WDR11: variants seen among roughly 807,000 people sequenced by gnomAD.
WDR11 encodes the protein WD repeat domain 11.
A neutral mutation model predicts 151.2 loss-of-function variants in WDR11; 83 were observed. The observed-to-expected ratio is 0.55, with a 90% CI of 0.46 to 0.66. The LOEUF is 0.66. WDR11 is among the 30% of genes least tolerant of loss of function. The pLI is 0.00. For missense variants in WDR11, 1,301 were observed against 1,480.9 expected, an observed-to-expected ratio of 0.88 and a Z score of 1.99; for synonymous variants, 484 against 533.1, an observed-to-expected ratio of 0.91 and a Z score of 1.27.
intron 22 of WDR11, 100 bp downstream of exon 22, chr10:120,902,422 G>A (rs937824667): frequency 2.3e-5 from 23 of 980,648 alleles, no homozygotes; most frequent in Non-Finnish European, 2.7e-5. Flanking sequence ...TTAGAAAAAT[G>A]TATCAGTTCA....
At chr10:120,874,094 TC>T (rs1433754307) in intron 11 of WDR11, among the ~76,000 whole-genome samples, 171 bp downstream of exon 11, 3 of 152,134 alleles carry the variant, frequency 2.0e-5, no homozygotes, top group Non-Finnish European at 4.4e-5. Context: ...GATAACTAAT[TC>T]TTTGCTGTGT....
rs200874292 is a variant in WDR11, at chr10:120,902,233, C to T, written c.2688-24C>T. ...TGTTTGATTGAAAACTTTTGTCTCA[C>T]TTTTGTCCGGATTTCTTCCACAGTG... On this transcript the variant is annotated intron_variant, in intron 21 of 28. Transcript: ENST00000263461. 2.6e-4 allele frequency: 424 copies of T among 1,612,304 alleles called. 5 individuals are homozygous for T. Among genetic ancestry groups the T allele is most frequent in the African/African-American group, 4.0e-5 (3 of 74,994 alleles).
At position 120,859,719 on chromosome 10, in the gene WDR11, A is replaced by G. The variant is rs188574891; in HGVS notation, c.353-390A>G. On this transcript the variant is annotated intron_variant, in intron 3 of 28. Coordinates refer to ENST00000263461, the MANE Select transcript of WDR11 (RefSeq NM_018117.12). ...TATTCTGTTTATTTTTTGAAAAACCATGAAGAACTGTAAAGTTCCATTAAG... is the reference window on the plus strand; with the variant it reads ...TATTCTGTTTATTTTTTGAAAAACCGTGAAGAACTGTAAAGTTCCATTAAG... Among the ~76,000 whole-genome samples the G allele has an allele frequency of 2.5e-3, 381 of 152,294 alleles. 1 individual carries two copies. The highest frequency in any genetic ancestry group is 8.8e-3 in the African/African-American group (366 of 41,568).
At chr10:120,887,132 C>A (rs563303019) in intron 16 of WDR11, among the ~76,000 whole-genome samples, 77 of 152,226 alleles carry the variant, frequency 5.1e-4, no homozygotes, top group African/African-American at 1.8e-3. Flanking sequence ...CCAAAGTTAT[C>A]CAGCTTACTC....
rs761494572 is a variant in WDR11, at chr10:120,905,935, T to C, written c.3351T>C (p.Cys1117=). The stretch of plus-strand genomic sequence containing the variant: ...TAAGGCGGTGGGTTGACCACCTTTG[T>C]TCTCCACAAGTCAATCAGAAATCAA... The part of the protein sequence containing the change: ...DVLRRWVDHL[C]SPQVNQKSKA... The change falls in exon 27 of 29, where the codon TGT becomes TGC. Residue 1117 remains cysteine (C), a synonymous_variant. Transcript: ENST00000263461. 1 of 1,614,012 alleles carries C rather than the reference T, an allele frequency of 6.2e-7. No individual in the cohort carries two copies. The highest frequency in any genetic ancestry group is 1.1e-5 in the South Asian group (1 of 91,070).
chr10:120,886,636 A>G, intron 15 of WDR11, 53 bp from the exon 16 acceptor site: 4 of 1,583,488 alleles, frequency 2.5e-6, no homozygotes, highest in Admixed American at 1.8e-5. Context: ...AATTATGAGT[A>G]TCACTCTAGG....
chr10:120,890,369 C>T (rs1250918390), intron 18 of WDR11, among the ~76,000 whole-genome samples: 2 of 152,078 alleles, frequency 1.3e-5, no homozygotes, highest in African/African-American at 2.4e-5. Flanking sequence ...TGTGCCACCA[C>T]GCCCGGCTAA....
chr10:120,892,018 T>C (rs912046136), intron 19 of WDR11, among the ~76,000 whole-genome samples: 2 of 152,180 alleles, frequency 1.3e-5, no homozygotes, highest in African/African-American at 4.8e-5. Context: ...CTAAAGGTAT[T>C]GAGGACATTG....
At chr10:120,874,182 TTTTTTTTTTTG>T (rs1371091933) in intron 11 of WDR11, among the ~76,000 whole-genome samples, 1 of 58,192 alleles carries the variant, frequency 1.7e-5, no homozygotes, top group African/African-American at 5.3e-5. Flanking sequence ...TGCAGTTTTT[TTTTTTTTTTTG>T]TTGTTGTTGT....
chr10:120,852,574 T>G lies in WDR11; in HGVS notation c.137T>G (p.Ile46Ser). Residue 46 changes from isoleucine (I) to serine (S), a missense_variant, in exon 2 of 29, where the codon ATT becomes AGT. Physicochemically the swap from Ile to Ser is moderately radical, Grantham distance 142. Coordinates refer to ENST00000263461, the MANE Select transcript of WDR11 (RefSeq NM_018117.12). ...GGATGTCATTCACTTGTGGTAGTGA[T>G]TGATTCCATTACTGCCCAAACTCTT... ...AYGCHSLVVV[I>S]DSITAQTLQV... is the part of the protein sequence containing the mutation. 1 of 1,614,072 alleles carries G rather than the reference T, an allele frequency of 6.2e-7. No individual in the cohort carries two copies. The highest frequency in any genetic ancestry group is 8.5e-7 in the Non-Finnish European group (1 of 1,179,974).
chr10:120,894,395 C>A (rs961818836), intron 19 of WDR11, among the ~76,000 whole-genome samples: 2 of 152,144 alleles, frequency 1.3e-5, no homozygotes, highest in Non-Finnish European at 2.9e-5. Context: ...AATCTTGGGG[C>A]ATTCAGAAAT....
chr10:120,904,837 A>C (rs752545294), intron 25 of WDR11, 26 bp downstream of exon 25: 65 of 1,613,816 alleles, frequency 4.0e-5, no homozygotes, highest in Non-Finnish European at 5.3e-5. Flanking sequence ...TATGTTTGTC[A>C]TCTCTCTGAA....
chr10:120,897,074 G>A (rs566169347), intron 19 of WDR11, among the ~76,000 whole-genome samples: 1 of 152,272 alleles, frequency 6.6e-6, no homozygotes, highest in South Asian at 2.1e-4. Flanking sequence ...AAACCAAGGA[G>A]GACCTGACAT....
At chr10:120,903,899 A>G (rs755217317) in intron 23 of WDR11, 148 bp from the exon 24 acceptor site, 14 of 601,954 alleles carry the variant, frequency 2.3e-5, no homozygotes, top group Non-Finnish European at 3.2e-5. Flanking sequence ...AATTCTTATT[A>G]AATGTTTGGG....
intron 19 of WDR11, among the ~76,000 whole-genome samples, chr10:120,894,128 C>G (rs1442718247): frequency 2.0e-5 from 3 of 151,766 alleles, no homozygotes; most frequent in African/African-American, 7.3e-5. Flanking sequence ...AGGTTTTCTT[C>G]TAGGGTTTTT....
At chr10:120,854,786 A>G (rs1195846711) in intron 2 of WDR11, among the ~76,000 whole-genome samples, 1 of 152,126 alleles carries the variant, frequency 6.6e-6, no homozygotes, top group Non-Finnish European at 1.5e-5. Flanking sequence ...GGCCATTTGT[A>G]TATCTTCTTT....
At chr10:120,864,438 AT>A (rs1244531885) in intron 5 of WDR11, among the ~76,000 whole-genome samples, 2 of 152,240 alleles carry the variant, frequency 1.3e-5, no homozygotes, top group Non-Finnish European at 2.9e-5. Context: ...TATTAAAATG[AT>A]TTTTCAGACC....
chr10:120,908,257 C>A (rs1848144330), intron 28 of WDR11: 3 of 266,784 alleles, frequency 1.1e-5, no homozygotes, highest in African/African-American at 6.3e-5. Flanking sequence ...ATCTTCCAAT[C>A]TTCAGTTGAG....
chr10:120,885,666 A>T, intron 14 of WDR11, 148 bp from the exon 15 acceptor site: 2 of 1,027,942 alleles, frequency 1.9e-6, no homozygotes, highest in East Asian at 2.5e-5. Context: ...CCTTTCTCTA[A>T]GTAGGTAAAA....
Sources: gnomAD v4.1 joint callset for allele counts (sites outside exome capture counted in the v4.1 genomes callset) on GRCh38, gnomAD v4.1.1 for gene constraint, MANE v1.5 for transcripts, NCBI Gene and HGNC (gene_info 2026-07-23, HGNC 2026-07-21) for gene names.